The following NEDD4L variants were observed in gnomAD, a reference collection of about 807,000 sequenced individuals.
NEDD4L encodes E3 ubiquitin-protein ligase NEDD4-like.
Under a neutral mutation model 148.9 loss-of-function variants are expected in NEDD4L, and 54 were observed. The observed-to-expected ratio is 0.36, with a 90% CI of 0.29 to 0.45. The LOEUF (loss-of-function observed/expected upper bound fraction) is 0.45, where lower values mean the gene tolerates loss of function less well. Among genes scored for constraint, NEDD4L ranks in the 20% least tolerant of loss-of-function variants. The pLI is 1.00. For missense variants in NEDD4L, 856 were observed against 1,233.8 expected (o/e 0.69, Z 4.59); for synonymous variants, 433 against 440.7 (o/e 0.98, Z 0.22).
At chr18:58,237,180 CTT>C (rs1276902729) in intron 2 of NEDD4L, among the ~76,000 whole-genome samples, 1 of 152,206 alleles carries the variant, frequency 6.6e-6, no homozygotes, top group South Asian at 2.1e-4. Context: ...GGTAGACAGT[CTT>C]TTTGTGGGCA....
intron 5 of NEDD4L, among the ~76,000 whole-genome samples, chr18:58,298,248 AAAT>A (rs1338926419): frequency 2.0e-5 from 3 of 152,320 alleles, no homozygotes; most frequent in African/African-American, 4.8e-5. Context: ...ATAAAAGAAA[AAAT>A]AATTTTTTTC....
chr18:58,057,288 A>G (rs1296110288), intron 1 of NEDD4L, among the ~76,000 whole-genome samples: 1 of 151,706 alleles, frequency 6.6e-6, no homozygotes, highest in African/African-American at 2.4e-5. Flanking sequence ...ATTTATGACT[A>G]AATAGGCTAT....
At chr18:58,106,422 C>T (rs2145584541) in intron 1 of NEDD4L, among the ~76,000 whole-genome samples, 1 of 152,346 alleles carries the variant, frequency 6.6e-6, no homozygotes, top group East Asian at 1.9e-4. Flanking sequence ...TCCTGGGGAG[C>T]TTACAGGCTC....
At position 58,252,072 on chromosome 18, in the gene NEDD4L, T is replaced by C; in HGVS notation, c.297+18T>C. ...ATAGACTGGTAAGTGGATGCCTGTA[T>C]TTGAATTTTGCTTCATTTTTTTATT... On this transcript the variant is annotated intron_variant, in intron 5 of 30. Coordinates refer to ENST00000400345, the MANE Select transcript of NEDD4L (RefSeq NM_001144967.3). 6.5e-7 allele frequency: 1 copy of C among 1,547,712 alleles called. No homozygotes were observed. The highest frequency in any genetic ancestry group is 8.9e-7 in the Non-Finnish European group (1 of 1,119,760).
intron 1 of NEDD4L, among the ~76,000 whole-genome samples, chr18:58,145,970 A>C (rs1332543519): frequency 6.6e-6 from 1 of 152,142 alleles, no homozygotes; most frequent in African/African-American, 2.4e-5. Flanking sequence ...GTTCTGCTTC[A>C]TGAACAAGAC....
At chr18:58,295,766 C>G (rs907596127) in intron 5 of NEDD4L, among the ~76,000 whole-genome samples, 76 of 152,024 alleles carry the variant, frequency 5.0e-4, no homozygotes, top group African/African-American at 1.8e-3. Flanking sequence ...GCACAACCAC[C>G]CACAGCTGCA....
chr18:58,244,614 C>T (rs1393669474), intron 2 of NEDD4L, among the ~76,000 whole-genome samples: 1 of 152,136 alleles, frequency 6.6e-6, no homozygotes. Flanking sequence ...TAACTTTAGG[C>T]AAATCTCTCT....
intron 5 of NEDD4L, among the ~76,000 whole-genome samples, chr18:58,260,834 G>A (rs768648248): frequency 2.0e-5 from 3 of 152,158 alleles, no homozygotes; most frequent in Non-Finnish European, 4.4e-5. Context: ...GCTTCTTTGG[G>A]GATCCAAAGA....
At chr18:58,190,130 C>T (rs1428688369) in intron 2 of NEDD4L, among the ~76,000 whole-genome samples, 1 of 152,138 alleles carries the variant, frequency 6.6e-6, no homozygotes, top group East Asian at 1.9e-4. Flanking sequence ...AAATTTTCTT[C>T]AATTAACATA....
chr18:58,149,200 G>C (rs949241453), intron 1 of NEDD4L: 2 of 234,466 alleles, frequency 8.5e-6, no homozygotes, highest in Admixed American at 1.0e-4. Flanking sequence ...ATCTTATGTG[G>C]CGTTATCTGG....
chr18:58,285,035 G>T (rs1207632077), intron 5 of NEDD4L, among the ~76,000 whole-genome samples: 1 of 152,198 alleles, frequency 6.6e-6, no homozygotes, highest in African/African-American at 2.4e-5. Context: ...AGCAAGAACT[G>T]CATGATTTTT....
intron 1 of NEDD4L, among the ~76,000 whole-genome samples, chr18:58,114,411 ATGTGTGTGCCAGGGGATCCCAAACTCT>A (rs1568235074): frequency 6.6e-6 from 1 of 152,164 alleles, no homozygotes; most frequent in African/African-American, 2.4e-5. Flanking sequence ...CAGGAAGTCT[ATGTGTGTGCCAGGGGATCCCAAACTCT>A]TGGCCTCCAG....
At chr18:58,103,814 C>T (rs551029099) in intron 1 of NEDD4L, among the ~76,000 whole-genome samples, 3 of 152,226 alleles carry the variant, frequency 2.0e-5, no homozygotes, top group East Asian at 1.9e-4. Context: ...CTGCGCAGCC[C>T]GAGGAGGAGA....
At chr18:58,279,887 G>A (rs751076639) in intron 5 of NEDD4L, among the ~76,000 whole-genome samples, 1 of 152,286 alleles carries the variant, frequency 6.6e-6, no homozygotes, top group South Asian at 2.1e-4. Flanking sequence ...ACACTTAGTT[G>A]TAACATACAC....
intron 2 of NEDD4L, among the ~76,000 whole-genome samples, chr18:58,234,049 C>CTTTCT (rs1555753202): frequency 1.5e-5 from 1 of 67,190 alleles, no homozygotes; most frequent in African/African-American, 6.1e-5. Context: ...CTTTCCTTTT[C>CTTTCT]TTTCTTTCTT....
chr18:58,353,966 A>G (rs1278785115), intron 18 of NEDD4L, among the ~76,000 whole-genome samples: 1 of 152,202 alleles, frequency 6.6e-6, no homozygotes, highest in Admixed American at 6.5e-5. Flanking sequence ...ATAATTAATT[A>G]TTTCTGCTTT....
At chr18:58,255,980 G>T in intron 5 of NEDD4L, 4 of 1,230,852 alleles carry the variant, frequency 3.2e-6, no homozygotes, top group Non-Finnish European at 4.1e-6. Context: ...CGAGGGCGCC[G>T]ACGATGGGCC....
chr18:58,275,864 A>AGTAGGGGGAGCATTGAAG (rs1029129398), intron 5 of NEDD4L, among the ~76,000 whole-genome samples: 1 of 152,138 alleles, frequency 6.6e-6, no homozygotes, highest in African/African-American at 2.4e-5. Context: ...GGGCATTGAA[A>AGTAGGGGGAGCATTGAAG]GTAGGGGGAG....
intron 5 of NEDD4L, among the ~76,000 whole-genome samples, chr18:58,285,185 A>G (rs1292294994): frequency 2.0e-5 from 3 of 152,050 alleles, no homozygotes; most frequent in Non-Finnish European, 4.4e-5. Context: ...TAAAGCCCTG[A>G]TTGTGTGTGT....
Sources: allele counts gnomAD v4.1 joint callset (sites outside exome capture counted in the v4.1 genomes callset), GRCh38; gene constraint gnomAD v4.1.1; transcripts MANE v1.5; gene names NCBI Gene and HGNC (gene_info 2026-07-23, HGNC 2026-07-21).